CPPED1: variants seen among roughly 807,000 people sequenced by gnomAD.
CPPED1 encodes serine/threonine-protein phosphatase CPPED1.
Under a neutral mutation model 28.0 loss-of-function variants are expected in CPPED1, and 28 were observed. That is an observed-to-expected ratio of 1.00 (90% CI 0.74 to 1.37). CPPED1 has a LOEUF of 1.37. Among genes scored for constraint, CPPED1 ranks in the 40% most tolerant of loss-of-function variants. CPPED1 has a pLI of 0.00. For missense variants in CPPED1, 504 were observed against 416.5 expected, an observed-to-expected ratio of 1.21 and a Z score of -1.83; for synonymous variants, 198 against 180.2, an observed-to-expected ratio of 1.10 and a Z score of -0.79.
chr16:12,763,765 G>A (rs768621508), intron 2 of CPPED1, among the ~76,000 whole-genome samples: 4 of 152,270 alleles, frequency 2.6e-5, no homozygotes, highest in South Asian at 2.1e-4. Flanking sequence ...GTACACAAAC[G>A]TATGGACTCC....
Position 12,781,318 on chromosome 16 carries a change from C to T in CPPED1, c.156G>A (p.Gly52=), listed in dbSNP as rs1315448922. The change falls in exon 2 of 4, where the codon GGG becomes GGA. Residue 52 remains glycine, a synonymous_variant. Coordinates refer to ENST00000381774, the MANE Select transcript of CPPED1 (RefSeq NM_018340.3). ...ATTCGTCACCGCCATTGTCACAGTC[C>T]CCAGTGGACCAGGCCTTGATCAGCC... ...QFGLIKAWST[G]DCDNGGDEWE... 1.2e-6 allele frequency: 2 copies of T among 1,613,984 alleles called. No homozygotes were observed. Among genetic ancestry groups the T allele is most frequent in the Non-Finnish European group, 1.7e-6 (2 of 1,180,026 alleles).
At chr16:12,800,267 T>C (rs1018574455) in intron 1 of CPPED1, among the ~76,000 whole-genome samples, 1 of 152,062 alleles carries the variant, frequency 6.6e-6, no homozygotes, top group Non-Finnish European at 1.5e-5. Flanking sequence ...GGCGAAACCC[T>C]GTCTCTACTA....
intron 2 of CPPED1, among the ~76,000 whole-genome samples, chr16:12,716,085 A>G (rs1567284494): frequency 6.6e-6 from 1 of 152,228 alleles, no homozygotes; most frequent in Non-Finnish European, 1.5e-5. Flanking sequence ...AAAAGAAGAC[A>G]ACCATCTACA....
chr16:12,698,953 G>C (rs920863643), intron 3 of CPPED1, among the ~76,000 whole-genome samples: 5 of 152,140 alleles, frequency 3.3e-5, no homozygotes, highest in African/African-American at 1.2e-4. Context: ...TGGAAAAAAA[G>C]AAAAGGTATC....
chr16:12,683,929 C>T (rs1012076769), intron 3 of CPPED1, among the ~76,000 whole-genome samples: 5 of 152,172 alleles, frequency 3.3e-5, no homozygotes, highest in South Asian at 2.1e-4. Flanking sequence ...TCTGTTTTGC[C>T]TTCCTCAGTT....
chr16:12,770,961 C>A (rs11075155), intron 2 of CPPED1, among the ~76,000 whole-genome samples: 10,373 of 151,450 alleles, frequency 0.068, 586 homozygotes, highest in African/African-American at 0.16. Context: ...ACAGTGACCC[C>A]GAGGGAAGCA....
chr16:12,707,862 C>A (rs1203926052), intron 2 of CPPED1, among the ~76,000 whole-genome samples: 2 of 152,132 alleles, frequency 1.3e-5, no homozygotes, highest in East Asian at 3.9e-4. Flanking sequence ...AAATGAGCCT[C>A]TTGGCAGGGC....
At chr16:12,755,560 G>C (rs1020211996) in intron 2 of CPPED1, among the ~76,000 whole-genome samples, 7 of 150,742 alleles carry the variant, frequency 4.6e-5, no homozygotes, top group African/African-American at 1.7e-4. Flanking sequence ...TAGGATTACA[G>C]GCATGAACTA....
intron 1 of CPPED1, among the ~76,000 whole-genome samples, chr16:12,782,828 G>A (rs1411422962): frequency 2.0e-5 from 3 of 151,950 alleles, no homozygotes; most frequent in African/African-American, 4.8e-5. Flanking sequence ...CCAAGATCAC[G>A]TCACTGCACT....
chr16:12,756,044 T>C (rs1475588128), intron 2 of CPPED1, among the ~76,000 whole-genome samples: 3 of 151,116 alleles, frequency 2.0e-5, no homozygotes, highest in Non-Finnish European at 2.9e-5. Flanking sequence ...GGCAGGAGAA[T>C]GGCGTGAACC....
chr16:12,731,615 C>T (rs1468010074), intron 2 of CPPED1, among the ~76,000 whole-genome samples: 1 of 151,764 alleles, frequency 6.6e-6, no homozygotes, highest in East Asian at 1.9e-4. Context: ...CAAAAGCCAC[C>T]GATAATACGG....
chr16:12,796,291 C>T (rs1348711290), intron 1 of CPPED1, among the ~76,000 whole-genome samples: 1 of 151,928 alleles, frequency 6.6e-6, no homozygotes, highest in Non-Finnish European at 1.5e-5. Context: ...GTCAGGAGTT[C>T]CAGACCAGCC....
chr16:12,769,874 T>C (rs1464466713), intron 2 of CPPED1, among the ~76,000 whole-genome samples: 1 of 152,170 alleles, frequency 6.6e-6, no homozygotes, highest in East Asian at 1.9e-4. Context: ...GTAGGGTAAA[T>C]TGTCTTTAAA....
intron 2 of CPPED1, among the ~76,000 whole-genome samples, chr16:12,766,872 C>T (rs146924127): frequency 6.3e-4 from 96 of 152,294 alleles, no homozygotes; most frequent in African/African-American, 2.2e-3. Flanking sequence ...GATCAGACTG[C>T]CATAGCCGAT....
chr16:12,756,892 CT>C (rs1327773955), intron 2 of CPPED1, among the ~76,000 whole-genome samples: 2 of 150,056 alleles, frequency 1.3e-5, no homozygotes, highest in Non-Finnish European at 2.9e-5. Flanking sequence ...GTGTTTCCCC[CT>C]AGAGAGTATT....
rs1171655662 is a variant in CPPED1 at position 12,704,738 on chromosome 16, T to C, written c.601A>G (p.Ile201Val). The C allele has an allele frequency of 1.9e-6, 3 of 1,614,206 alleles. No individual in the cohort carries two copies. The highest frequency in any genetic ancestry group is 2.2e-5 in the East Asian group (1 of 44,890). ...IARQRHCQHA[I>V]VFQHIPLFLE... ...AACAGCGGGATGTGCTGGAAGACGA[T>C]GGCATGCTGGCAGTGCCGCTGCCTC... The change falls in exon 3 of 4, where the codon ATC (isoleucine) becomes GTC (valine). Residue 201 changes from isoleucine (I) to valine (V), a missense_variant. Physicochemically the swap from Ile to Val is conservative, Grantham distance 29. Coordinates refer to ENST00000381774, the MANE Select transcript of CPPED1 (RefSeq NM_018340.3).
intron 3 of CPPED1, among the ~76,000 whole-genome samples, chr16:12,700,073 T>A (rs1473438121): frequency 6.6e-6 from 1 of 152,224 alleles, no homozygotes; most frequent in Non-Finnish European, 1.5e-5. Context: ...TTCCTTCTGA[T>A]GTTGCCTAAG....
chr16:12,758,925 G>A (rs1054444780), intron 2 of CPPED1, among the ~76,000 whole-genome samples: 1 of 151,974 alleles, frequency 6.6e-6, no homozygotes, highest in Non-Finnish European at 1.5e-5. Context: ...CACTCTGGGA[G>A]GCAGAGGCAG....
chr16:12,691,815 G>C, intron 3 of CPPED1, among the ~76,000 whole-genome samples: 1 of 95,102 alleles, frequency 1.1e-5, no homozygotes, highest in African/African-American at 7.9e-5. Context: ...ACTGTTGTGG[G>C]GTGGGGGGAG....
Sources: gnomAD v4.1 joint callset for allele counts (sites outside exome capture counted in the v4.1 genomes callset) on GRCh38, gnomAD v4.1.1 for gene constraint, MANE v1.5 for transcripts, NCBI Gene and HGNC (gene_info 2026-07-23, HGNC 2026-07-21) for gene names.